Variants in HYCC2 observed in about 807,000 individuals in gnomAD.
HYCC2 encodes hyccin 2.
the HYCC2 span, among the ~76,000 whole-genome samples, chr2:201,041,815 A>G: frequency 6.6e-6 from 1 of 152,246 alleles, no homozygotes; most frequent in African/African-American, 2.4e-5. Context: ...CATACTGTTT[A>G]TATGTCCTCA....
chr2:201,043,889 T>C, the HYCC2 span, among the ~76,000 whole-genome samples: 5 of 152,276 alleles, frequency 3.3e-5, no homozygotes, highest in Non-Finnish European at 5.9e-5. Context: ...GACTGCAAGC[T>C]ATCTTTTATT....
the HYCC2 span, among the ~76,000 whole-genome samples, chr2:200,999,581 G>A: frequency 2.0e-5 from 3 of 150,804 alleles, no homozygotes; most frequent in African/African-American, 7.3e-5. Flanking sequence ...GTAGCGACAG[G>A]GTTTCACTAT....
At chr2:201,041,008 C>T in the HYCC2 span, among the ~76,000 whole-genome samples, 1 of 152,138 alleles carries the variant, frequency 6.6e-6, no homozygotes. Flanking sequence ...AACCCTTGTA[C>T]CCTCTTACTA....
chr2:201,033,483 A>C, the HYCC2 span, among the ~76,000 whole-genome samples: 1 of 151,660 alleles, frequency 6.6e-6, no homozygotes, highest in African/African-American at 2.4e-5. Context: ...GGCTCACTGC[A>C]AGCTCCGCCT....
chr2:200,994,439 G>A, the HYCC2 span, among the ~76,000 whole-genome samples: 1 of 152,112 alleles, frequency 6.6e-6, no homozygotes, highest in Admixed American at 6.5e-5. Context: ...GTTTCACTAT[G>A]TTGGCCAGGC....
At chr2:200,990,112 T>C in the HYCC2 span, among the ~76,000 whole-genome samples, 1 of 152,228 alleles carries the variant, frequency 6.6e-6, no homozygotes, top group South Asian at 2.1e-4. Flanking sequence ...GTAAATATTA[T>C]ATAACTTAAA....
At chr2:201,031,644 T>C in the HYCC2 span, among the ~76,000 whole-genome samples, 42,553 of 152,106 alleles carry the variant, frequency 0.28, 8,397 homozygotes, top group African/African-American at 0.56. Context: ...AGCAAAACTC[T>C]GTCTCAAAAA....
chr2:201,002,967 C>G, the HYCC2 span, among the ~76,000 whole-genome samples: 1 of 152,112 alleles, frequency 6.6e-6, no homozygotes, highest in African/African-American at 2.4e-5. Flanking sequence ...TCTAAATTTA[C>G]TCAATAAGAG....
the HYCC2 span, among the ~76,000 whole-genome samples, chr2:201,034,802 G>A: frequency 1.3e-5 from 2 of 152,246 alleles, no homozygotes; most frequent in African/African-American, 2.4e-5. Context: ...GGCAGGCCTG[G>A]TGGTGACAAA....
At chr2:200,975,765 C>A in the HYCC2 span, 1 of 152,034 alleles carries the variant, frequency 6.6e-6, no homozygotes, top group Non-Finnish European at 1.5e-5. Flanking sequence ...TACAAAAATA[C>A]TGAAAAGACT....
chr2:201,003,805 C>CT, the HYCC2 span, among the ~76,000 whole-genome samples: 3,071 of 66,224 alleles, frequency 0.046, 38 homozygotes, highest in Non-Finnish European at 0.05. Flanking sequence ...GTTGTTGTTG[C>CT]TTTTTTTTTT....
At chr2:200,991,118 T>C in the HYCC2 span, among the ~76,000 whole-genome samples, 1 of 152,268 alleles carries the variant, frequency 6.6e-6, no homozygotes, top group Non-Finnish European at 1.5e-5. Flanking sequence ...ATTTGTATCA[T>C]GACTGCTGAA....
At chr2:201,043,072 C>T in the HYCC2 span, among the ~76,000 whole-genome samples, 4 of 152,294 alleles carry the variant, frequency 2.6e-5, no homozygotes, top group Non-Finnish European at 5.9e-5. Context: ...GACTCCATTT[C>T]GTTCTGTACT....
chr2:201,030,383 C>A, the HYCC2 span, among the ~76,000 whole-genome samples: 1 of 151,588 alleles, frequency 6.6e-6, no homozygotes, highest in Non-Finnish European at 1.5e-5. Flanking sequence ...AAAAATGGAA[C>A]TTAGCCCAAC....
At chr2:201,054,527 T>G in the HYCC2 span, among the ~76,000 whole-genome samples, 1 of 152,268 alleles carries the variant, frequency 6.6e-6, no homozygotes, top group East Asian at 1.9e-4. Flanking sequence ...AAATCCTGCC[T>G]TAGGCCTAGA....
chr2:201,014,937 AAC>A, the HYCC2 span, among the ~76,000 whole-genome samples: 1 of 152,220 alleles, frequency 6.6e-6, no homozygotes, highest in Non-Finnish European at 1.5e-5. Context: ...CTTAGAAGAA[AAC>A]AGTTTCATAA....
At chr2:200,977,035 T>A in the HYCC2 span, 2 of 152,202 alleles carry the variant, frequency 1.3e-5, no homozygotes, top group African/African-American at 4.8e-5. Flanking sequence ...AACAAATGTA[T>A]TCAACTATAA....
At chr2:201,051,622 T>C in the HYCC2 span, among the ~76,000 whole-genome samples, 1 of 152,132 alleles carries the variant, frequency 6.6e-6, no homozygotes, top group African/African-American at 2.4e-5. Context: ...TAACAAAAGA[T>C]GTATAAGACC....
chr2:201,005,481 T>C, the HYCC2 span, among the ~76,000 whole-genome samples: 1 of 152,276 alleles, frequency 6.6e-6, no homozygotes, highest in East Asian at 1.9e-4. Flanking sequence ...GGAGCAGAGA[T>C]GATTCCTAAG....
Sources: allele counts gnomAD v4.1 joint callset (sites outside exome capture counted in the v4.1 genomes callset), GRCh38; gene constraint gnomAD v4.1.1; transcripts MANE v1.5; gene names NCBI Gene and HGNC (gene_info 2026-07-23, HGNC 2026-07-21).